Variants in PCDHA9 observed in about 807,000 individuals in gnomAD.
PCDHA9 encodes protocadherin alpha-9.
PCDHA9 carries 62 observed loss-of-function variants against 62.0 expected under a neutral mutation model. The observed-to-expected ratio is 1.00, with a 90% confidence interval of 0.81 to 1.23. PCDHA9 has a LOEUF of 1.23. Among genes scored for constraint, PCDHA9 ranks in the 50% most tolerant of loss-of-function variants. The pLI, the probability that PCDHA9 is intolerant of heterozygous loss-of-function variation, is 0.00. For synonymous variants in PCDHA9, 557 were observed against 567.6 expected (o/e 0.98, Z 0.27); for missense variants, 1,205 against 1,249.8 (o/e 0.96, Z 0.54).
chr5:140,856,168 C>A, intron 1 of PCDHA9: 1 of 1,598,314 alleles, frequency 6.3e-7, no homozygotes, highest in Non-Finnish European at 8.6e-7. Context: ...AGGCCAGACA[C>A]GGCACCTTCG....
chr5:140,968,564 G>C (rs565573880), intron 1 of PCDHA9: 1 of 1,614,168 alleles, frequency 6.2e-7, no homozygotes, highest in South Asian at 1.1e-5. Context: ...AACTGCCCCT[G>C]CTGGCTACCT....
intron 1 of PCDHA9, chr5:140,856,666 G>C: frequency 1.3e-6 from 2 of 1,598,010 alleles, no homozygotes; most frequent in South Asian, 2.2e-5. Flanking sequence ...AAAATCCTCA[G>C]CTAAAGTTGT....
chr5:140,924,472 GT>G (rs1436957745), intron 1 of PCDHA9, among the ~76,000 whole-genome samples: 2 of 152,188 alleles, frequency 1.3e-5, no homozygotes, highest in African/African-American at 4.8e-5. Context: ...GAGGTAACTG[GT>G]TTTTAGTGGA....
intron 1 of PCDHA9, among the ~76,000 whole-genome samples, chr5:140,914,503 T>C (rs2879076): frequency 0.12 from 17,707 of 152,222 alleles, 1,150 homozygotes; most frequent in Middle Eastern, 0.19. Context: ...CAACAGATCA[T>C]TGGGTCATGT....
chr5:140,858,473 A>G (rs1055200728), intron 1 of PCDHA9: 2 of 1,518,350 alleles, frequency 1.3e-6, no homozygotes, highest in Non-Finnish European at 1.8e-6. Context: ...TTTGTGCTTT[A>G]TGAATAATAT....
intron 1 of PCDHA9, among the ~76,000 whole-genome samples, chr5:140,905,945 T>C (rs2072222090): frequency 6.6e-6 from 1 of 152,150 alleles, no homozygotes; most frequent in Non-Finnish European, 1.5e-5. Flanking sequence ...GAACTTGGAA[T>C]CCGATGTTCA....
intron 1 of PCDHA9, chr5:140,877,489 G>A: frequency 6.2e-7 from 1 of 1,613,844 alleles, no homozygotes; most frequent in Non-Finnish European, 8.5e-7. Context: ...GGTGGAGAAC[G>A]GCCAGGCCCC....
At chr5:140,863,236 G>A (rs782784210) in intron 1 of PCDHA9, 6 of 1,282,274 alleles carry the variant, frequency 4.7e-6, no homozygotes, top group Non-Finnish European at 4.4e-6. Context: ...CCCATCGCGG[G>A]CTTTGGCGGG....
chr5:140,999,527 C>T (rs578180518), intron 3 of PCDHA9, among the ~76,000 whole-genome samples: 27 of 152,206 alleles, frequency 1.8e-4, no homozygotes, highest in African/African-American at 5.8e-4. Flanking sequence ...TTGTTACCCC[C>T]TGGATATGAC....
chr5:140,855,777 G>T (rs1004478743), intron 1 of PCDHA9: 3 of 402,200 alleles, frequency 7.5e-6, no homozygotes, highest in Non-Finnish European at 1.3e-5. Context: ...ATAAAAATAC[G>T]TAAAAAAAGA....
intron 1 of PCDHA9, among the ~76,000 whole-genome samples, chr5:140,908,466 C>T (rs2073988233): frequency 6.6e-6 from 1 of 152,134 alleles, no homozygotes. Flanking sequence ...TCAGAAAGCA[C>T]CCAGTTCATG....
chr5:140,875,271 C>T, intron 1 of PCDHA9: 1 of 1,256,488 alleles, frequency 8.0e-7, no homozygotes, highest in Non-Finnish European at 1.1e-6. Flanking sequence ...GCTCTACACT[C>T]AGAAGGTGAA....
chr5:140,901,234 T>C (rs1013983503), intron 1 of PCDHA9, among the ~76,000 whole-genome samples: 1 of 152,156 alleles, frequency 6.6e-6, no homozygotes, highest in Non-Finnish European at 1.5e-5. Flanking sequence ...ATATATCCAT[T>C]TTTTTCCTTT....
chr5:140,954,996 A>G (rs879953600), intron 1 of PCDHA9, among the ~76,000 whole-genome samples: 16 of 152,214 alleles, frequency 1.1e-4, no homozygotes, highest in Non-Finnish European at 1.6e-4. Flanking sequence ...GCATATGGCT[A>G]GCCAATTCTC....
chr5:140,904,826 T>C (rs1251990612), intron 1 of PCDHA9, among the ~76,000 whole-genome samples: 1 of 152,206 alleles, frequency 6.6e-6, no homozygotes. Flanking sequence ...GAGCATTTTT[T>C]TATATGTTTC....
chr5:140,980,901 T>C, intron 2 of PCDHA9, among the ~76,000 whole-genome samples: 1 of 152,218 alleles, frequency 6.6e-6, no homozygotes, highest in East Asian at 1.9e-4. Context: ...TTGGACATCA[T>C]GTAACTATTC....
intron 1 of PCDHA9, among the ~76,000 whole-genome samples, chr5:140,958,853 G>T (rs897789588): frequency 1.3e-5 from 2 of 151,804 alleles, no homozygotes; most frequent in Non-Finnish European, 2.9e-5. Context: ...AGTGTCTTTG[G>T]TTTACTGGGT....
chr5:140,927,416 C>T (rs782053183), intron 1 of PCDHA9: 6 of 1,613,980 alleles, frequency 3.7e-6, no homozygotes, highest in Admixed American at 3.3e-5. Context: ...GACATGGGAT[C>T]GCGGGTTGAC....
intron 1 of PCDHA9, among the ~76,000 whole-genome samples, chr5:140,943,825 T>C (rs1421631991): frequency 6.6e-6 from 1 of 152,128 alleles, no homozygotes; most frequent in East Asian, 1.9e-4. Context: ...GAAAATGAGT[T>C]GATTGAAGTT....
Sources: allele counts gnomAD v4.1 joint callset (sites outside exome capture counted in the v4.1 genomes callset), GRCh38; gene constraint gnomAD v4.1.1; transcripts MANE v1.5; gene names NCBI Gene and HGNC (gene_info 2026-07-23, HGNC 2026-07-21).